Variants in LAMA3 observed in about 807,000 individuals in gnomAD.
LAMA3 encodes laminin subunit alpha-3.
A neutral mutation model predicts 402.0 loss-of-function variants in LAMA3; 281 were observed. That is an observed-to-expected ratio of 0.70 (90% CI 0.63 to 0.77). The LOEUF is 0.77. LAMA3 is among the 30% of genes least tolerant of loss of function. The pLI, the probability that LAMA3 is intolerant of heterozygous loss-of-function variation, is 0.00. For missense variants in LAMA3, 3,840 were observed against 4,215.5 expected (o/e 0.91, Z 2.47); for synonymous variants, 1,431 against 1,558.4 (o/e 0.92, Z 1.93).
intron 40 of LAMA3, among the ~76,000 whole-genome samples, chr18:23,883,509 C>T (rs1381462702): frequency 6.6e-6 from 1 of 151,964 alleles, no homozygotes; most frequent in Non-Finnish European, 1.5e-5. Flanking sequence ...ATCACAAAGG[C>T]AGGCCTATAT....
chr18:23,872,728 T>C, intron 38 of LAMA3: 2 of 385,386 alleles, frequency 5.2e-6, no homozygotes, highest in Non-Finnish European at 9.8e-6. Context: ...AGAGGGACTC[T>C]GGATTTCCAC....
chr18:23,893,308 C>T (rs892079027), intron 42 of LAMA3, among the ~76,000 whole-genome samples: 4 of 152,122 alleles, frequency 2.6e-5, no homozygotes, highest in African/African-American at 7.2e-5. Flanking sequence ...GAAAACAGTA[C>T]ATGTGGAAGG....
At chr18:23,826,820 G>T in intron 22 of LAMA3, 21 bp downstream of exon 22, 7 of 1,465,770 alleles carry the variant, frequency 4.8e-6, no homozygotes, top group Non-Finnish European at 6.6e-6. Context: ...GGCAGAAGGT[G>T]CAGCCGCATC....
intron 41 of LAMA3, among the ~76,000 whole-genome samples, chr18:23,889,082 G>A (rs1185656254): frequency 6.6e-6 from 1 of 152,138 alleles, no homozygotes; most frequent in Non-Finnish European, 1.5e-5. Context: ...TTGTTTAAGA[G>A]TCATTATATA....
intron 2 of LAMA3, among the ~76,000 whole-genome samples, chr18:23,739,358 G>A (rs58721020): frequency 0.021 from 3,201 of 152,260 alleles, 119 homozygotes; most frequent in African/African-American, 0.074. Flanking sequence ...ATGACACTCC[G>A]ACATAAAGCT....
intron 12 of LAMA3, among the ~76,000 whole-genome samples, chr18:23,792,927 T>G (rs188343166): frequency 5.1e-4 from 77 of 152,066 alleles, no homozygotes; most frequent in Non-Finnish European, 8.2e-4. Flanking sequence ...TAATAGGAAA[T>G]TTGGGGTTCA....
chr18:23,814,150 T>G (rs1007477506), intron 14 of LAMA3, among the ~76,000 whole-genome samples: 9 of 152,242 alleles, frequency 5.9e-5, no homozygotes, highest in Non-Finnish European at 7.3e-5. Flanking sequence ...GATTTTTAAA[T>G]TTTCTTTCTC....
chr18:23,777,263 A>T (rs768223067), intron 10 of LAMA3, among the ~76,000 whole-genome samples: 1 of 151,688 alleles, frequency 6.6e-6, no homozygotes, highest in Admixed American at 6.6e-5. Flanking sequence ...AAAAAAAAAA[A>T]CAATAAAAAA....
chr18:23,714,206 C>A, intron 2 of LAMA3, 134 bp downstream of exon 2: 1 of 921,276 alleles, frequency 1.1e-6, no homozygotes, highest in Non-Finnish European at 1.6e-6. Context: ...AAACCTGTTA[C>A]ATTAACATTT....
At chr18:23,838,899 C>G in intron 26 of LAMA3, 21 bp downstream of exon 26, 1 of 1,401,502 alleles carries the variant, frequency 7.1e-7, no homozygotes, top group Middle Eastern at 1.8e-4. Context: ...TCCTTCCTGT[C>G]TCCCCGTTCA....
At chr18:23,716,436 G>A (rs1598635414) in intron 2 of LAMA3, among the ~76,000 whole-genome samples, 3 of 152,228 alleles carry the variant, frequency 2.0e-5, no homozygotes, top group Admixed American at 2.0e-4. Flanking sequence ...TAAGATTACA[G>A]GCGTAAGCCA....
chr18:23,908,534 A>G (rs2081327864), intron 54 of LAMA3, among the ~76,000 whole-genome samples: 1 of 118,838 alleles, frequency 8.4e-6, no homozygotes, highest in African/African-American at 3.9e-5. Context: ...CATCTCAAAC[A>G]AAAAAAAAAA....
chr18:23,947,422 T>A (rs1191222857), intron 70 of LAMA3, among the ~76,000 whole-genome samples: 1 of 152,206 alleles, frequency 6.6e-6, no homozygotes, highest in African/African-American at 2.4e-5. Context: ...GTGTGATGTT[T>A]GCTTGCAGTG....
rs752662084 is a variant in LAMA3 at position 23,882,032 on chromosome 18, C to T, written c.5209C>T (p.Pro1737Ser). The change falls in exon 40 of 75, where the codon CCT (proline) becomes TCT (serine). Residue 1737 changes from proline to serine, a missense_variant. By Grantham distance (74) the Pro-to-Ser change is moderately conservative. Around this residue, in one of 3 missense-constraint regions of LAMA3, gnomAD observed 2,109 missense variants for 2,376.0 expected, o/e 0.89. Coordinates refer to ENST00000313654, the MANE Select transcript of LAMA3 (RefSeq NM_198129.4). ...CGGATCCTGCAGGGCCTGCCCATGT[C>T]CTCACACTAACAGGTACCGTAGCAG... ...VHGSCRACPC[P>S]HTNSFATGCV... The T allele has an allele frequency of 6.2e-7, 1 of 1,612,284 alleles. No homozygotes were observed. The highest frequency in any genetic ancestry group is 1.1e-5 in the South Asian group (1 of 91,008).
chr18:23,872,984 G>A, intron 38 of LAMA3: 2 of 1,607,876 alleles, frequency 1.2e-6, no homozygotes, highest in Non-Finnish European at 1.7e-6. Flanking sequence ...GAGCAGGAAG[G>A]GCAGGTATAA....
chr18:23,697,780 T>TC (rs1054044007), intron 1 of LAMA3, among the ~76,000 whole-genome samples: 3 of 145,660 alleles, frequency 2.1e-5, no homozygotes, highest in Admixed American at 7.2e-5. Flanking sequence ...TCAACCTGTG[T>TC]CAGTTTGCTC....
At chr18:23,842,292 GTTGTT>G in intron 27 of LAMA3, 98 bp from the exon 28 acceptor site, 2 of 1,422,258 alleles carry the variant, frequency 1.4e-6, no homozygotes, top group South Asian at 2.3e-5. Flanking sequence ...AAATACTTAG[GTTGTT>G]TTGTTTTTTA....
Position 23,912,893 on chromosome 18 carries a change from T to C in LAMA3, c.7329+12T>C. The C allele has an allele frequency of 6.2e-7, 1 of 1,609,332 alleles. No individual in the cohort carries two copies. On this transcript the variant is annotated intron_variant, in intron 56 of 74. Coordinates refer to ENST00000313654, the MANE Select transcript of LAMA3 (RefSeq NM_198129.4). Reference sequence around the variant, plus strand: ...TTGGAAATAAAGATGTAAGTATTGCTTGGACATCTCTCTTGTTTTTGAAAC... The same window carrying C: ...TTGGAAATAAAGATGTAAGTATTGCCTGGACATCTCTCTTGTTTTTGAAAC...
At chr18:23,890,143 A>G (rs2145012096) in intron 42 of LAMA3, 26 bp downstream of exon 42, 2 of 1,445,902 alleles carry the variant, frequency 1.4e-6, no homozygotes, top group East Asian at 2.3e-5. Context: ...ACCCCTGCTA[A>G]CTTGCATTTA....
Sources: gnomAD v4.1 joint callset for allele counts (sites outside exome capture counted in the v4.1 genomes callset) on GRCh38, gnomAD v4.1.1 for gene constraint, gnomAD v4.1.1 regional missense constraint, MANE v1.5 for transcripts, NCBI Gene and HGNC (gene_info 2026-07-23, HGNC 2026-07-21) for gene names.